GALNT13: variants seen among roughly 807,000 people sequenced by gnomAD.
GALNT13 encodes the protein polypeptide N-acetylgalactosaminyltransferase 13, also known as UDP-GalNAc:polypeptide N-acetylgalactosaminyltransferase 13.
A neutral mutation model predicts 64.2 loss-of-function variants in GALNT13; 28 were observed. The ratio of observed to expected loss-of-function variants is 0.44; its 90% CI spans 0.32 to 0.60. The LOEUF (loss-of-function observed/expected upper bound fraction) is 0.60, where lower values mean the gene tolerates loss of function less well. Among genes scored for constraint, GALNT13 ranks in the 20% least tolerant of loss-of-function variants. The pLI, the probability that GALNT13 is intolerant of heterozygous loss-of-function variation, is 0.05. For missense variants in GALNT13, 577 were observed against 669.8 expected (o/e 0.86, Z 1.53); for synonymous variants, 214 against 224.6 (o/e 0.95, Z 0.42).
At chr2:153,663,577 A>G in the GALNT13 span, among the ~76,000 whole-genome samples, 6 of 152,318 alleles carry the variant, frequency 3.9e-5, no homozygotes, top group East Asian at 9.7e-4. Flanking sequence ...AGTTTGAAAT[A>G]TGGCTGTGAC....
intron 3 of GALNT13, among the ~76,000 whole-genome samples, chr2:153,964,310 A>G (rs1380771708): frequency 6.6e-6 from 1 of 152,114 alleles, no homozygotes; most frequent in Non-Finnish European, 1.5e-5. Context: ...TTAGCTAGCC[A>G]TGGTGGTGCG....
chr2:153,247,146 A>C, the GALNT13 span, among the ~76,000 whole-genome samples: 1 of 152,168 alleles, frequency 6.6e-6, no homozygotes, highest in Admixed American at 6.5e-5. Context: ...TAAAGTTCTT[A>C]GAGACCTACA....
the GALNT13 span, among the ~76,000 whole-genome samples, chr2:153,624,628 A>G: frequency 6.6e-6 from 1 of 152,124 alleles, no homozygotes; most frequent in Admixed American, 6.6e-5. Context: ...CAGCTTACAT[A>G]TAGTGTAAGA....
chr2:153,916,753 G>A (rs570695631), intron 2 of GALNT13, among the ~76,000 whole-genome samples: 15 of 151,438 alleles, frequency 9.9e-5, no homozygotes, highest in Admixed American at 3.3e-4. Flanking sequence ...AAGAGAGGAC[G>A]GTGTCTATAA....
chr2:153,913,427 G>T (rs1211792493), intron 2 of GALNT13, among the ~76,000 whole-genome samples: 4 of 152,174 alleles, frequency 2.6e-5, no homozygotes, highest in Non-Finnish European at 5.9e-5. Context: ...GCCCTTCAGA[G>T]TTCAGGTTGG....
the GALNT13 span, among the ~76,000 whole-genome samples, chr2:153,322,715 T>C: frequency 2.6e-5 from 4 of 152,164 alleles, no homozygotes; most frequent in African/African-American, 4.8e-5. Context: ...TATGTTTTCA[T>C]TGTTCAACTC....
At chr2:153,934,017 C>G (rs115134246) in intron 2 of GALNT13, among the ~76,000 whole-genome samples, 1 of 152,040 alleles carries the variant, frequency 6.6e-6, no homozygotes. Context: ...TCTCTAGGGG[C>G]CTTTAACATT....
chr2:154,414,239 A>G (rs1699910988), intron 11 of GALNT13, among the ~76,000 whole-genome samples: 1 of 152,062 alleles, frequency 6.6e-6, no homozygotes, highest in South Asian at 2.1e-4. Flanking sequence ...AATAAGACTA[A>G]TAGCTAAAAT....
the GALNT13 span, among the ~76,000 whole-genome samples, chr2:153,854,374 G>T: frequency 6.6e-6 from 1 of 152,002 alleles, no homozygotes; most frequent in African/African-American, 2.4e-5. Flanking sequence ...GAGGTCAGGA[G>T]TTCAAGACCA....
the GALNT13 span, among the ~76,000 whole-genome samples, chr2:153,345,703 C>G: frequency 5.1e-3 from 336 of 65,778 alleles, 8 homozygotes; most frequent in Admixed American, 0.016. Context: ...TTCTTTCTTT[C>G]TCTTTCTCTC....
chr2:153,659,870 A>G, the GALNT13 span, among the ~76,000 whole-genome samples: 1 of 152,138 alleles, frequency 6.6e-6, no homozygotes, highest in East Asian at 1.9e-4. Context: ...ATGAATAACT[A>G]AGCCAACAAC....
chr2:153,880,271 A>T (rs1222631774), intron 1 of GALNT13, among the ~76,000 whole-genome samples: 1 of 152,112 alleles, frequency 6.6e-6, no homozygotes, highest in Admixed American at 6.5e-5. Flanking sequence ...GTGAAAACTG[A>T]TGTATTGATC....
the GALNT13 span, among the ~76,000 whole-genome samples, chr2:153,286,637 A>C: frequency 6.6e-6 from 1 of 152,214 alleles, no homozygotes; most frequent in Non-Finnish European, 1.5e-5. Flanking sequence ...ACACCAGTGC[A>C]TGCACTTCAG....
chr2:153,076,569 T>C, the GALNT13 span, among the ~76,000 whole-genome samples: 6 of 152,194 alleles, frequency 3.9e-5, no homozygotes, highest in Admixed American at 2.0e-4. Flanking sequence ...ACTTTTATGA[T>C]ATAATTTTTA....
intron 1 of GALNT13, among the ~76,000 whole-genome samples, chr2:153,874,593 A>G (rs1439633303): frequency 1.3e-5 from 2 of 152,062 alleles, no homozygotes; most frequent in African/African-American, 4.8e-5. Flanking sequence ...GAAACTAGTA[A>G]GTGCTTAATA....
chr2:153,947,313 G>C (rs1053758112), intron 3 of GALNT13, among the ~76,000 whole-genome samples: 1 of 151,838 alleles, frequency 6.6e-6, no homozygotes, highest in Non-Finnish European at 1.5e-5. Context: ...TTGTCTTTCT[G>C]TATGTATTTA....
chr2:154,092,075 G>GAAAA (rs58406719), intron 3 of GALNT13, among the ~76,000 whole-genome samples: 5 of 74,506 alleles, frequency 6.7e-5, no homozygotes, highest in African/African-American at 1.5e-4. Context: ...TTCATGTCTG[G>GAAAA]AAAAAAAAAA....
At chr2:154,259,217 G>C in intron 8 of GALNT13, 79 bp downstream of exon 8, 1 of 792,572 alleles carries the variant, frequency 1.3e-6, no homozygotes, top group Non-Finnish European at 2.1e-6. Context: ...GTAATTTACT[G>C]TCAAATCATT....
intron 3 of GALNT13, among the ~76,000 whole-genome samples, chr2:154,027,048 A>C (rs1199028582): frequency 6.6e-6 from 1 of 152,216 alleles, no homozygotes; most frequent in Non-Finnish European, 1.5e-5. Context: ...TCTGCATGTA[A>C]GGAAGCAGAT....
Sources: gnomAD v4.1 joint callset for allele counts (sites outside exome capture counted in the v4.1 genomes callset) on GRCh38, gnomAD v4.1.1 for gene constraint, MANE v1.5 for transcripts, NCBI Gene and HGNC (gene_info 2026-07-23, HGNC 2026-07-21) for gene names.